The following UBXN2B variants were observed in gnomAD, a reference collection of about 807,000 sequenced individuals.
The protein encoded by UBXN2B is UBX domain-containing protein 2B.
A neutral mutation model predicts 37.5 loss-of-function variants in UBXN2B; 19 were observed. The observed-to-expected ratio is 0.51, with a 90% confidence interval of 0.35 to 0.74. The LOEUF (loss-of-function observed/expected upper bound fraction) is 0.74. UBXN2B is among the 30% of genes least tolerant of loss of function. The pLI, the probability that UBXN2B is intolerant of heterozygous loss-of-function variation, is 0.01. For synonymous variants in UBXN2B, 145 were observed against 143.8 expected (o/e 1.01, Z -0.06); for missense variants, 370 against 393.2 (o/e 0.94, Z 0.50).
intron 6 of UBXN2B, among the ~76,000 whole-genome samples, chr8:58,441,191 A>G (rs1477850690): frequency 1.3e-5 from 2 of 151,212 alleles, no homozygotes; most frequent in African/African-American, 2.4e-5. Flanking sequence ...CACGTGTCTT[A>G]CTATGTTGCC....
chr8:58,424,835 A>G, intron 2 of UBXN2B: 1 of 1,425,782 alleles, frequency 7.0e-7, no homozygotes, highest in Non-Finnish European at 9.9e-7. Flanking sequence ...ATATAGATAA[A>G]TCGGTACTGT....
At chr8:58,417,169 T>G (rs1379069688) in intron 2 of UBXN2B, among the ~76,000 whole-genome samples, 1 of 152,144 alleles carries the variant, frequency 6.6e-6, no homozygotes, top group Non-Finnish European at 1.5e-5. Context: ...AAAAGAAACT[T>G]ACGGAAAAAT....
Position 58,447,424 on chromosome 8 carries a change from G to T in UBXN2B, c.869G>T (p.Arg290Leu), listed in dbSNP as rs770636977. The T allele has an allele frequency of 1.2e-6, 2 of 1,612,068 alleles. No homozygotes were observed. Among genetic ancestry groups the T allele is most frequent in the Non-Finnish European group, 1.7e-6 (2 of 1,179,078 alleles). The change falls in exon 8 of 8, where the codon CGT becomes CTT. Residue 290 changes from arginine to leucine, a missense_variant. This residue lies in a region of UBXN2B where 83 missense variants were observed against 83.5 expected (regional missense o/e 0.99). Coordinates refer to ENST00000399598, the MANE Select transcript of UBXN2B (RefSeq NM_001077619.2). ...GTCCGGAACTTTATTGTACAGTCTC[G>T]TCCTGAATTTGCGGCTCTTGACTTT... ...LDVRNFIVQS[R>L]PEFAALDFIL...
intron 6 of UBXN2B, among the ~76,000 whole-genome samples, chr8:58,444,918 T>C (rs970679098): frequency 2.6e-5 from 4 of 152,132 alleles, no homozygotes; most frequent in Admixed American, 2.6e-4. Context: ...GAAGTAAGAG[T>C]CATGATGATT....
chr8:58,413,889 G>T (rs1807705809), intron 1 of UBXN2B, among the ~76,000 whole-genome samples: 1 of 152,214 alleles, frequency 6.6e-6, no homozygotes, highest in African/African-American at 2.4e-5. Context: ...AACCTCACCA[G>T]TGTTCAATAG....
chr8:58,425,229 G>A (rs1808049701), intron 2 of UBXN2B: 1 of 1,072,616 alleles, frequency 9.3e-7, no homozygotes, highest in Non-Finnish European at 1.5e-6. Flanking sequence ...CACGCATGAT[G>A]CCATATTCTT....
Position 58,430,643 on chromosome 8 carries a change from A to G in UBXN2B, c.313A>G (p.Arg105Gly), listed in dbSNP as rs758409742. 13 of 1,586,970 alleles carry G rather than the reference A, an allele frequency of 8.2e-6. No homozygotes were observed. The highest frequency in any genetic ancestry group is 1.1e-5 in the Non-Finnish European group (13 of 1,165,728). ...GGCTGTCCCTCTGAATGAAGCCACAAGAGCTTCAGGTGATGATAAATCTAA... is the reference window on the plus strand; with the variant it reads ...GGCTGTCCCTCTGAATGAAGCCACAGGAGCTTCAGGTGATGATAAATCTAA... ...HGAVPLNEAT[R>G]ASGDDKSKSF... The change falls in exon 3 of 8, where the codon AGA becomes GGA. Residue 105 changes from arginine (R) to glycine (G), a missense_variant. This residue lies in a region of UBXN2B where 197 missense variants were observed against 170.2 expected (regional missense o/e 1.16). Coordinates refer to ENST00000399598, the MANE Select transcript of UBXN2B (RefSeq NM_001077619.2).
rs775018211 is a variant in UBXN2B at position 58,447,556 on chromosome 8, G to A, written c.*5G>A. The A allele has an allele frequency of 7.5e-6, 12 of 1,604,160 alleles. No individual in the cohort carries two copies. The Admixed American group carries it at 1.0e-4, about 13-fold the overall frequency. The stretch of plus-strand genomic sequence containing the variant: ...TTACTCCAGCAACTAAAATAATATT[G>A]TTCCTGTCCATGCAGTAGCATGTGG... On this transcript the variant is annotated 3_prime_UTR_variant, in exon 8 of 8. Coordinates refer to ENST00000399598, the MANE Select transcript of UBXN2B (RefSeq NM_001077619.2).
chr8:58,444,655 G>A (rs1250837075), intron 6 of UBXN2B, among the ~76,000 whole-genome samples: 1 of 152,100 alleles, frequency 6.6e-6, no homozygotes, highest in African/African-American at 2.4e-5. Context: ...AAGGAACGCT[G>A]GACTCTTGGC....
chr8:58,435,384 G>A (rs997261775), intron 5 of UBXN2B, among the ~76,000 whole-genome samples: 1 of 152,114 alleles, frequency 6.6e-6, no homozygotes, highest in African/African-American at 2.4e-5. Context: ...GATACTGTCA[G>A]GATACCAAAC....
chr8:58,441,131 GGCACT>G (rs1019958671), intron 6 of UBXN2B, among the ~76,000 whole-genome samples: 18 of 151,636 alleles, frequency 1.2e-4, no homozygotes, highest in Admixed American at 7.2e-4. Context: ...TGGGACTATA[GGCACT>G]GCCGAGCGCA....
chr8:58,430,135 A>C (rs16923469), intron 2 of UBXN2B, among the ~76,000 whole-genome samples: 3,028 of 152,282 alleles, frequency 0.02, 87 homozygotes, highest in African/African-American at 0.065. Flanking sequence ...GTCTCTACTG[A>C]GTGTGGCCTT....
At position 58,449,927 on chromosome 8, in the gene UBXN2B, C is replaced by A. The variant is rs1390578486; in HGVS notation, c.*2376C>A. ...GTCTTTTACATATGTCACAGGGATGCACTCATTTAGATAGGAGGCTCCTCA... is the reference window on the plus strand; with the variant it reads ...GTCTTTTACATATGTCACAGGGATGAACTCATTTAGATAGGAGGCTCCTCA... On this transcript the variant is annotated 3_prime_UTR_variant, in exon 8 of 8. Coordinates refer to ENST00000399598, the MANE Select transcript of UBXN2B (RefSeq NM_001077619.2). The A allele has an allele frequency of 6.6e-6, 1 of 152,198 alleles. No homozygotes were observed. Among genetic ancestry groups the A allele is most frequent in the Non-Finnish European group, 1.5e-5 (1 of 68,040 alleles). 9.4% of individuals were successfully genotyped at this position (152,198 alleles called of 1,614,324 possible).
intron 3 of UBXN2B, among the ~76,000 whole-genome samples, chr8:58,431,013 A>G (rs1213088972): frequency 3.9e-5 from 6 of 152,316 alleles, no homozygotes; most frequent in Non-Finnish European, 7.3e-5. Context: ...ATAATATGAA[A>G]GCCAGGAATT....
At chr8:58,417,680 CTT>C (rs1807819921) in intron 2 of UBXN2B, among the ~76,000 whole-genome samples, 1 of 152,174 alleles carries the variant, frequency 6.6e-6, no homozygotes, top group Non-Finnish European at 1.5e-5. Flanking sequence ...CCCATTATAT[CTT>C]ATTCTCAGAA....
Position 58,437,548 on chromosome 8 carries a change from C to G in UBXN2B, c.534-2085C>G, listed in dbSNP as rs1270976737. Among the ~76,000 whole-genome samples, 6 of 151,830 alleles carry G rather than the reference C, an allele frequency of 4.0e-5. No individual in the cohort carries two copies. The South Asian group carries it at 1.0e-3, about 26-fold the overall frequency. The stretch of plus-strand genomic sequence containing the variant: ...CCATCTTGGCCAGGCTGATCTTGAA[C>G]CCCTGACCTTATGATCCACCTGCCT... On this transcript the variant is annotated intron_variant, in intron 5 of 7. Coordinates refer to ENST00000399598, the MANE Select transcript of UBXN2B (RefSeq NM_001077619.2).
At chr8:58,445,215 T>C (rs552617289) in intron 6 of UBXN2B, among the ~76,000 whole-genome samples, 1 of 152,326 alleles carries the variant, frequency 6.6e-6, no homozygotes, top group Non-Finnish European at 1.5e-5. Context: ...AAGACAGCAA[T>C]GCCAGGGTCA....
At chr8:58,434,755 A>G (rs771622460) in intron 5 of UBXN2B, 4 of 1,496,630 alleles carry the variant, frequency 2.7e-6, no homozygotes, top group Non-Finnish European at 3.6e-6. Context: ...TGATGAAACT[A>G]TGAACCCAGC....
At chr8:58,425,016 T>G in intron 2 of UBXN2B, 3 of 782,954 alleles carry the variant, frequency 3.8e-6, no homozygotes, top group Non-Finnish European at 7.1e-6. Context: ...CGACTGGCCT[T>G]GCATGCATGA....
Sources: allele counts gnomAD v4.1 joint callset (sites outside exome capture counted in the v4.1 genomes callset), GRCh38; gene constraint gnomAD v4.1.1; regional missense constraint gnomAD v4.1.1; transcripts MANE v1.5; gene names NCBI Gene and HGNC (gene_info 2026-07-23, HGNC 2026-07-21).